EYA2: variants seen among roughly 807,000 people sequenced by gnomAD.
EYA2 encodes the protein protein phosphatase EYA2.
Under a neutral mutation model 69.2 loss-of-function variants are expected in EYA2, and 31 were observed. The observed-to-expected ratio is 0.45, with a 90% CI of 0.34 to 0.60. The LOEUF is 0.60. Among genes scored for constraint, EYA2 ranks in the 20% least tolerant of loss-of-function variants. The pLI, the probability that EYA2 is intolerant of heterozygous loss-of-function variation, is 0.02. For missense variants in EYA2, 622 were observed against 701.2 expected (o/e 0.89, Z 1.28); for synonymous variants, 257 against 279.4 (o/e 0.92, Z 0.80).
chr20:46,984,721 C>G (rs1981074371), intron 1 of EYA2, among the ~76,000 whole-genome samples: 1 of 152,168 alleles, frequency 6.6e-6, no homozygotes, highest in East Asian at 1.9e-4. Flanking sequence ...CACAGAAATC[C>G]TCCACCTTGG....
intron 1 of EYA2, among the ~76,000 whole-genome samples, chr20:46,910,672 G>C (rs931363799): frequency 6.6e-6 from 1 of 152,146 alleles, no homozygotes; most frequent in Middle Eastern, 3.2e-3. Context: ...TTTTGCTCCC[G>C]TTGCTGCCTG....
intron 1 of EYA2, among the ~76,000 whole-genome samples, chr20:46,896,404 C>CAA (rs71892947): frequency 0.023 from 3,187 of 141,542 alleles, 119 homozygotes; most frequent in African/African-American, 0.075. Flanking sequence ...ATCCTGCTTA[C>CAA]AAAAAAAAAA....
intron 5 of EYA2, among the ~76,000 whole-genome samples, chr20:47,026,659 A>T (rs1245095145): frequency 6.6e-6 from 1 of 152,196 alleles, no homozygotes; most frequent in African/African-American, 2.4e-5. Context: ...AGGATTTCAG[A>T]CTCAAATAGT....
chr20:46,991,303 GCTT>G (rs1981645507), intron 2 of EYA2, among the ~76,000 whole-genome samples: 1 of 152,326 alleles, frequency 6.6e-6, no homozygotes, highest in Admixed American at 6.5e-5. Context: ...CCAGCCCACT[GCTT>G]CTCAGCCAAA....
intron 1 of EYA2, among the ~76,000 whole-genome samples, chr20:46,908,814 G>A (rs182021019): frequency 5.0e-4 from 69 of 137,840 alleles, no homozygotes; most frequent in African/African-American, 1.7e-3. Context: ...CCCAAACATC[G>A]ACACAGACCC....
intron 9 of EYA2, among the ~76,000 whole-genome samples, chr20:47,122,533 C>T (rs565826377): frequency 3.9e-5 from 6 of 151,936 alleles, no homozygotes; most frequent in Non-Finnish European, 7.4e-5. Flanking sequence ...CTCCTGACCT[C>T]GTGATCCACC....
chr20:47,095,687 C>A (rs558047009), intron 8 of EYA2: 1 of 152,146 alleles, frequency 6.6e-6, no homozygotes, highest in African/African-American at 2.4e-5. Context: ...TGAAAGAATT[C>A]TTTCAAAGAT....
chr20:47,125,807 C>T (rs1325039685), intron 9 of EYA2, among the ~76,000 whole-genome samples: 1 of 152,104 alleles, frequency 6.6e-6, no homozygotes, highest in African/African-American at 2.4e-5. Context: ...GTAAACAGCT[C>T]CTTGGCGGTG....
intron 15 of EYA2, among the ~76,000 whole-genome samples, chr20:47,184,353 T>TAAC (rs2034594912): frequency 1.3e-5 from 2 of 151,576 alleles, no homozygotes; most frequent in Admixed American, 1.3e-4. Flanking sequence ...ACTTTATTGC[T>TAAC]AACATCATCA....
chr20:47,170,664 A>C (rs2146652700), intron 11 of EYA2, among the ~76,000 whole-genome samples: 1 of 150,648 alleles, frequency 6.6e-6, no homozygotes, highest in African/African-American at 2.4e-5. Context: ...AAAAAAAAAG[A>C]GAGACAGCTT....
intron 2 of EYA2, among the ~76,000 whole-genome samples, chr20:46,991,399 G>T (rs1291060335): frequency 1.3e-5 from 2 of 152,166 alleles, no homozygotes; most frequent in African/African-American, 2.4e-5. Flanking sequence ...ACTTCATAGG[G>T]TGCTGATTGC....
chr20:47,183,534 C>A (rs2034578636), intron 15 of EYA2, 143 bp downstream of exon 15: 1 of 657,940 alleles, frequency 1.5e-6, no homozygotes, highest in South Asian at 2.0e-5. Flanking sequence ...CAGTCCATTC[C>A]ATTTGCAAAT....
At chr20:46,928,917 T>G (rs191353821) in intron 1 of EYA2, among the ~76,000 whole-genome samples, 1 of 152,004 alleles carries the variant, frequency 6.6e-6, no homozygotes, top group East Asian at 1.9e-4. Context: ...ACAAGCAAAT[T>G]CTCCCCTCCA....
chr20:46,929,709 G>C (rs1985584407), intron 1 of EYA2, among the ~76,000 whole-genome samples: 1 of 152,050 alleles, frequency 6.6e-6, no homozygotes, highest in Non-Finnish European at 1.5e-5. Context: ...GATGAAATGA[G>C]AGCAAAGAGG....
At chr20:46,911,983 T>G (rs1190706876) in intron 1 of EYA2, among the ~76,000 whole-genome samples, 1 of 152,216 alleles carries the variant, frequency 6.6e-6, no homozygotes, top group Admixed American at 6.5e-5. Context: ...TGACGGATAT[T>G]CTAAATACCC....
chr20:47,012,405 G>GT (rs1299787941), intron 4 of EYA2, among the ~76,000 whole-genome samples: 7 of 152,216 alleles, frequency 4.6e-5, no homozygotes, highest in African/African-American at 1.7e-4. Context: ...TAAAAGACCA[G>GT]TTTTTGGGTT....
rs1330811615 is a variant in EYA2, at chr20:47,022,646, A to C, written c.415+6349A>C. Among the ~76,000 whole-genome samples, 5 of 142,228 alleles carry C rather than the reference A, an allele frequency of 3.5e-5. No homozygotes were observed. In the East Asian group the frequency reaches 8.3e-4, roughly 24 times the overall value. 93.3% of individuals were successfully genotyped at this position (142,228 alleles called of 152,430 possible). ...TTAACTGAGATATAACTCACATCCTAAACTTCACCTTTTTTTTTTTTTTTT... is the reference window on the plus strand; with the variant it reads ...TTAACTGAGATATAACTCACATCCTCAACTTCACCTTTTTTTTTTTTTTTT... On this transcript the variant is annotated intron_variant, in intron 5 of 15. Coordinates refer to ENST00000327619, the MANE Select transcript of EYA2 (RefSeq NM_005244.5).
intron 9 of EYA2, among the ~76,000 whole-genome samples, chr20:47,107,037 A>G: frequency 6.6e-6 from 1 of 152,150 alleles, no homozygotes; most frequent in East Asian, 1.9e-4. Flanking sequence ...CCACCAAGAT[A>G]CCATTAGTGG....
chr20:47,013,385 C>T (rs1215820308), intron 4 of EYA2, among the ~76,000 whole-genome samples: 1 of 152,174 alleles, frequency 6.6e-6, no homozygotes, highest in Non-Finnish European at 1.5e-5. Context: ...TATGCAAAGG[C>T]TTTGAGTCCA....
Sources: gnomAD v4.1 joint callset for allele counts (sites outside exome capture counted in the v4.1 genomes callset) on GRCh38, gnomAD v4.1.1 for gene constraint, MANE v1.5 for transcripts, NCBI Gene and HGNC (gene_info 2026-07-23, HGNC 2026-07-21) for gene names.